The following VAPA variants were observed in gnomAD, a reference collection of about 807,000 sequenced individuals.
The protein encoded by VAPA is vesicle-associated membrane protein-associated protein A.
Under a neutral mutation model 25.6 loss-of-function variants are expected in VAPA, and 6 were observed. That is an observed-to-expected ratio of 0.23 (90% CI 0.13 to 0.46). The LOEUF (loss-of-function observed/expected upper bound fraction) is 0.46, where lower values mean the gene tolerates loss of function less well. VAPA is among the 20% of genes least tolerant of loss of function. The pLI is 0.99. For missense variants in VAPA, 244 were observed against 302.1 expected (o/e 0.81, Z 1.43); for synonymous variants, 112 against 106.2 (o/e 1.05, Z -0.34).
In VAPA at chr18:9,940,887, A is replaced by G. The variant is rs1474707780; in HGVS notation, c.417+3821A>G. Among the ~76,000 whole-genome samples the G allele has an allele frequency of 3.3e-5, 5 of 152,240 alleles. No homozygotes were observed. The East Asian group carries it at 5.8e-4, about 18-fold the overall frequency. ...ATTCAAACTTGCAAAAATTGTGTCT[A>G]TACTATTTAGGCTGGAAGTGGCCTT... On this transcript the variant is annotated intron_variant, in intron 4 of 5. Transcript: ENST00000400000.
At position 9,925,930 on chromosome 18, in the gene VAPA, C is replaced by T. The variant is rs186330307; in HGVS notation, c.80-5880C>T. 2.9e-3 allele frequency among the ~76,000 whole-genome samples: 441 copies of T among 152,194 alleles called. 3 individuals carry two copies. The highest frequency in any genetic ancestry group is 0.025 in the Admixed American group (388 of 15,278). The stretch of plus-strand genomic sequence containing the variant: ...AGAAAATAAATACCGTTTGGTTATA[C>T]GTACAAAATTTATGAGAGTTCAGGC... On this transcript the variant is annotated intron_variant, in intron 1 of 5. Transcript: ENST00000400000.
intron 5 of VAPA, among the ~76,000 whole-genome samples, chr18:9,952,979 A>G (rs2069506110): frequency 6.6e-6 from 1 of 152,256 alleles, no homozygotes; most frequent in African/African-American, 2.4e-5. Context: ...TAAGCACAAT[A>G]AAGGAATCAT....
chr18:9,931,658 G>A (rs1240006570), intron 1 of VAPA, 152 bp from the exon 2 acceptor site: 2 of 533,550 alleles, frequency 3.7e-6, no homozygotes, highest in South Asian at 7.6e-5. Flanking sequence ...CTGCCACCTC[G>A]AGAAAGGCAG....
chr18:9,929,371 A>C (rs2069230295), intron 1 of VAPA, among the ~76,000 whole-genome samples: 1 of 152,054 alleles, frequency 6.6e-6, no homozygotes, highest in African/African-American at 2.4e-5. Context: ...TTCAGTAAAG[A>C]ATATAACTTC....
At chr18:9,937,642 T>C (rs1181197658) in intron 4 of VAPA, among the ~76,000 whole-genome samples, 2 of 152,210 alleles carry the variant, frequency 1.3e-5, no homozygotes, top group Non-Finnish European at 2.9e-5. Context: ...AGTCTGTGAA[T>C]GTACCGAGTG....
intron 3 of VAPA, chr18:9,936,482 G>A (rs915539602): frequency 4.0e-6 from 1 of 250,268 alleles, no homozygotes; most frequent in African/African-American, 2.2e-5. Context: ...AGGCCAAGAT[G>A]GGAGTATCTC....
intron 4 of VAPA, among the ~76,000 whole-genome samples, chr18:9,940,444 A>G (rs571270365): frequency 6.6e-6 from 1 of 152,290 alleles, no homozygotes; most frequent in Non-Finnish European, 1.5e-5. Flanking sequence ...ATTTTATCAA[A>G]CTTTCTGTTC....
At chr18:9,917,047 A>G (rs1295188620) in intron 1 of VAPA, among the ~76,000 whole-genome samples, 1 of 152,352 alleles carries the variant, frequency 6.6e-6, no homozygotes, top group Non-Finnish European at 1.5e-5. Context: ...TTTGTTTTAT[A>G]CAGTCGTTAA....
chr18:9,928,646 A>T (rs1005970209), intron 1 of VAPA, among the ~76,000 whole-genome samples: 1 of 152,192 alleles, frequency 6.6e-6, no homozygotes, highest in Non-Finnish European at 1.5e-5. Context: ...AAATGCATAT[A>T]TAAAATGACC....
Position 9,920,310 on chromosome 18 carries a change from A to T in VAPA, c.79+5975A>T, listed in dbSNP as rs188254067. On this transcript the variant is annotated intron_variant, in intron 1 of 5. Transcript: ENST00000400000. ...TCCTTTTCTTTTCTTTCTTTCTTTCATTTTTTTCTTGAGATGGAGTCTCGC... is the reference window on the plus strand; with the variant it reads ...TCCTTTTCTTTTCTTTCTTTCTTTCTTTTTTTTCTTGAGATGGAGTCTCGC... 3.4e-4 allele frequency among the ~76,000 whole-genome samples: 52 copies of T among 151,294 alleles called. No individual in the cohort carries two copies. In the South Asian group the frequency reaches 0.011, roughly 32 times the overall value.
Position 9,950,532 on chromosome 18 carries a change from A to T in VAPA, c.555A>T (p.Glu185Asp). The T allele has an allele frequency of 6.2e-7, 1 of 1,612,392 alleles. No individual in the cohort carries two copies. Among genetic ancestry groups the T allele is most frequent in the Non-Finnish European group, 8.5e-7 (1 of 1,179,678 alleles). ...AAGAGTGTAAAAGACTTCAGGGAGA[A>T]ATGATGAAGCTATCAGAAGAAAATC... Reference protein sequence around the residue: ...LMEECKRLQGEMMKLSEENRH... With the variant: ...LMEECKRLQGDMMKLSEENRH... Residue 185 changes from glutamate (E) to aspartate (D), a missense_variant, in exon 5 of 6, where the codon GAA becomes GAT. Physicochemically the swap from Glu to Asp is conservative, Grantham distance 45 (BLOSUM62 2). This residue lies in a region of VAPA where 145 missense variants were observed against 140.6 expected (regional missense o/e 1.03). Transcript: ENST00000400000.
chr18:9,914,437 G>GCGCCCCCTCCCCCA, intron 1 of VAPA, 102 bp downstream of exon 1: 3 of 1,030,822 alleles, frequency 2.9e-6, no homozygotes, highest in Non-Finnish European at 3.9e-6. Context: ...GCCCGAGGGA[G>GCGCCCCCTCCCCCA]CGCCCCCTCC....
chr18:9,949,894 AGAAG>A (rs1320394599), intron 4 of VAPA: 1 of 153,754 alleles, frequency 6.5e-6, no homozygotes, highest in Non-Finnish European at 1.4e-5. Flanking sequence ...ACAAATTAAT[AGAAG>A]TTAGCTTTTC....
chr18:9,924,256 C>G (rs1460222841), intron 1 of VAPA, among the ~76,000 whole-genome samples: 1 of 151,968 alleles, frequency 6.6e-6, no homozygotes, highest in Non-Finnish European at 1.5e-5. Flanking sequence ...TCCTACCTGT[C>G]TAGAATCCAA....
chr18:9,935,232 AATAG>A (rs1366395738), intron 2 of VAPA, among the ~76,000 whole-genome samples: 3 of 152,166 alleles, frequency 2.0e-5, no homozygotes, highest in African/African-American at 7.2e-5. Context: ...TAAACTCTGA[AATAG>A]ATGTTTATTT....
At chr18:9,941,090 G>GTTA (rs1344456469) in intron 4 of VAPA, among the ~76,000 whole-genome samples, 2 of 151,664 alleles carry the variant, frequency 1.3e-5, no homozygotes, top group African/African-American at 4.9e-5. Flanking sequence ...CTGAGAAAAC[G>GTTA]TAACGGTAAA....
At position 9,931,638 on chromosome 18, in the gene VAPA, GTTTTT is replaced by G. The variant is rs1210114433; in HGVS notation, c.80-171_80-167del. ...GGGAATGAAGAAGAAAATATGACTT[GTTTTT>G]AAGTCTGCCACCTCGAGAAAGGCAG... On this transcript the variant is annotated intron_variant, in intron 1 of 5. Transcript: ENST00000400000. The G allele has an allele frequency of 1.4e-5, 7 of 499,062 alleles. No individual in the cohort carries two copies. The East Asian group carries it at 2.3e-4, about 17-fold the overall frequency. 30.9% of individuals were successfully genotyped at this position (499,062 alleles called of 1,614,324 possible). A position where few individuals can be genotyped will look rare whatever the true frequency, so the allele number is the denominator to read the frequency against.
In VAPA at chr18:9,958,515, A is replaced by G. The variant is rs1254790520; in HGVS notation, c.*4304A>G. The stretch of plus-strand genomic sequence containing the variant: ...ACCTTAACTCATGATGAGCTTAGGA[A>G]CATAAAAGATAATTGTTGCTTGAAT... On this transcript the variant is annotated 3_prime_UTR_variant, in exon 6 of 6. Transcript: ENST00000400000. 1 of 152,184 alleles carries G rather than the reference A, an allele frequency of 6.6e-6. No individual in the cohort carries two copies. Among genetic ancestry groups the G allele is most frequent in the East Asian group, 1.9e-4 (1 of 5,200 alleles). 9.4% of individuals were successfully genotyped at this position (152,184 alleles called of 1,614,324 possible).
intron 1 of VAPA, among the ~76,000 whole-genome samples, chr18:9,926,088 T>C (rs1467106324): frequency 6.6e-6 from 1 of 152,164 alleles, no homozygotes; most frequent in Admixed American, 6.5e-5. Context: ...ATCTACTTCA[T>C]GGACTTGTGA....
Sources: gnomAD v4.1 joint callset for allele counts (sites outside exome capture counted in the v4.1 genomes callset) on GRCh38, gnomAD v4.1.1 for gene constraint, gnomAD v4.1.1 regional missense constraint, MANE v1.5 for transcripts, NCBI Gene and HGNC (gene_info 2026-07-23, HGNC 2026-07-21) for gene names.